Variants in UBAP1 observed in about 807,000 individuals in gnomAD.
UBAP1 encodes ubiquitin associated protein 1, also known as ubiquitin-associated protein 1.
In UBAP1, 5 loss-of-function variants were observed where a neutral mutation model predicts 39.0. The observed-to-expected ratio is 0.13, with a 90% CI of 0.07 to 0.27. The LOEUF (loss-of-function observed/expected upper bound fraction) is 0.27, where lower values mean the gene tolerates loss of function less well. Among genes scored for constraint, UBAP1 ranks in the 10% least tolerant of loss-of-function variants. The pLI, the probability that UBAP1 is intolerant of heterozygous loss-of-function variation, is 1.00. For missense variants in UBAP1, 490 were observed against 608.1 expected (o/e 0.81, Z 2.04); for synonymous variants, 211 against 225.1 (o/e 0.94, Z 0.56).
intron 2 of UBAP1, among the ~76,000 whole-genome samples, chr9:34,223,323 G>A (rs543791191): frequency 2.2e-3 from 338 of 151,974 alleles, no homozygotes; most frequent in Non-Finnish European, 2.8e-3. Context: ...CCAGCTACTC[G>A]GGAGGCTGAG....
chr9:34,216,451 C>T (rs1432405552), intron 1 of UBAP1, among the ~76,000 whole-genome samples: 1 of 151,994 alleles, frequency 6.6e-6, no homozygotes, highest in African/African-American at 2.4e-5. Flanking sequence ...ATATGAATGG[C>T]ATCACACAAT....
At chr9:34,215,788 TATAA>T (rs892517118) in intron 1 of UBAP1, among the ~76,000 whole-genome samples, 2 of 152,010 alleles carry the variant, frequency 1.3e-5, no homozygotes, top group Admixed American at 6.6e-5. Context: ...TGTACATATA[TATAA>T]AAGATGTTCT....
At chr9:34,230,392 T>G (rs1833346915) in intron 2 of UBAP1, among the ~76,000 whole-genome samples, 2 of 152,162 alleles carry the variant, frequency 1.3e-5, no homozygotes, top group African/African-American at 4.8e-5. Context: ...TGTGGATAGA[T>G]TTTATCATTT....
At chr9:34,202,738 G>C (rs1831472406) in intron 1 of UBAP1, among the ~76,000 whole-genome samples, 2 of 147,030 alleles carry the variant, frequency 1.4e-5, no homozygotes, top group African/African-American at 5.0e-5. Context: ...TGTCAATCTT[G>C]TTTTATATAC....
chr9:34,214,760 T>G (rs34270971), intron 1 of UBAP1, among the ~76,000 whole-genome samples: 1 of 151,916 alleles, frequency 6.6e-6, no homozygotes, highest in Non-Finnish European at 1.5e-5. Context: ...AGGACTGATA[T>G]CCAGAATCTA....
At chr9:34,242,247 C>A in intron 4 of UBAP1, 139 bp downstream of exon 4, 1 of 868,954 alleles carries the variant, frequency 1.2e-6, no homozygotes, top group Non-Finnish European at 1.7e-6. Flanking sequence ...TGTGATCGTA[C>A]CTTATTGTAG....
chr9:34,194,311 TTC>T (rs1168359358), intron 1 of UBAP1, among the ~76,000 whole-genome samples: 29 of 151,752 alleles, frequency 1.9e-4, no homozygotes, highest in African/African-American at 6.3e-4. Flanking sequence ...AAAAGAAAAA[TTC>T]TCTCTCTTTT....
At chr9:34,201,753 A>G (rs1242575867) in intron 1 of UBAP1, among the ~76,000 whole-genome samples, 1 of 152,020 alleles carries the variant, frequency 6.6e-6, no homozygotes, top group Non-Finnish European at 1.5e-5. Flanking sequence ...CTACCTGGAG[A>G]TAGTGTCAGA....
chr9:34,228,710 C>G (rs1394580596), intron 2 of UBAP1, among the ~76,000 whole-genome samples: 1 of 150,460 alleles, frequency 6.6e-6, no homozygotes, highest in African/African-American at 2.4e-5. Context: ...GCTGGGATTA[C>G]AGGCGTGCAT....
intron 4 of UBAP1, among the ~76,000 whole-genome samples, chr9:34,246,090 A>T (rs946744891): frequency 2.0e-5 from 3 of 152,080 alleles, no homozygotes; most frequent in Non-Finnish European, 4.4e-5. Context: ...CTTTATTTTT[A>T]AATTTTTATT....
chr9:34,218,250 C>CAAAAAAAAAAAA (rs758443973), intron 1 of UBAP1, among the ~76,000 whole-genome samples: 15 of 49,522 alleles, frequency 3.0e-4, no homozygotes, highest in Non-Finnish European at 3.8e-4. Context: ...GACTCCATCT[C>CAAAAAAAAAAAA]AAAAAAAAAA....
chr9:34,222,343 AAC>A (rs1378032075), intron 2 of UBAP1, among the ~76,000 whole-genome samples: 2 of 152,206 alleles, frequency 1.3e-5, no homozygotes, highest in Non-Finnish European at 2.9e-5. Flanking sequence ...TTACATAGAT[AAC>A]CTGCCTGAGT....
At chr9:34,197,315 T>G (rs186066835) in intron 1 of UBAP1, among the ~76,000 whole-genome samples, 134 of 151,960 alleles carry the variant, frequency 8.8e-4, no homozygotes, top group African/African-American at 3.0e-3. Context: ...ATTAAAATTT[T>G]TTTTTTCTTT....
chr9:34,227,679 C>A (rs1213659044), intron 2 of UBAP1, among the ~76,000 whole-genome samples: 1 of 152,206 alleles, frequency 6.6e-6, no homozygotes, highest in Non-Finnish European at 1.5e-5. Flanking sequence ...AACCTAACTT[C>A]AAGGAACTGC....
rs1834442876 is a variant in UBAP1 at position 34,250,644 on chromosome 9, GTTTCT to G, written c.1267-7_1267-3del. 6.2e-7 allele frequency: 1 copy of G among 1,608,780 alleles called. No individual in the cohort carries two copies. The highest frequency in any genetic ancestry group is 8.5e-7 in the Non-Finnish European group (1 of 1,176,482). On this transcript the variant is annotated splice_polypyrimidine_tract_variant and intron_variant, in intron 5 of 6. Coordinates refer to ENST00000297661, the MANE Select transcript of UBAP1 (RefSeq NM_016525.5). ...AGCAGCAGTAGGTGCTAAACCCCTTGTTTCTTTTCTTAGATTCTCGACTATCTCTT... is the reference window on the plus strand; with the variant it reads ...AGCAGCAGTAGGTGCTAAACCCCTTGTTTCTTAGATTCTCGACTATCTCTT...
At chr9:34,248,507 T>C (rs1834295428) in intron 4 of UBAP1, among the ~76,000 whole-genome samples, 1 of 152,210 alleles carries the variant, frequency 6.6e-6, no homozygotes, top group South Asian at 2.1e-4. Flanking sequence ...TGTTGGTTTC[T>C]TTAGCCCAGG....
chr9:34,244,522 T>G (rs1355035666), intron 4 of UBAP1, among the ~76,000 whole-genome samples: 8 of 19,918 alleles, frequency 4.0e-4, no homozygotes, highest in African/African-American at 1.8e-3. Context: ...GCGTGCAATG[T>G]TGCGATCTCG....
chr9:34,202,436 A>C (rs980247586), intron 1 of UBAP1, among the ~76,000 whole-genome samples: 3 of 152,010 alleles, frequency 2.0e-5, no homozygotes, highest in African/African-American at 7.2e-5. Context: ...CCTGCCTGTG[A>C]GAGGGGCTTA....
chr9:34,220,900 T>C lies in UBAP1; in HGVS notation c.-7-8T>C. On this transcript the variant is annotated splice_region_variant and splice_polypyrimidine_tract_variant and intron_variant, in intron 1 of 6. Coordinates refer to ENST00000297661, the MANE Select transcript of UBAP1 (RefSeq NM_016525.5). ...AATGTGCCTAAGAAATATTTCCTTG[T>C]TTTTCAGGTTCTAAATGGCTTCTAA... 1 of 1,613,096 alleles carries C rather than the reference T, an allele frequency of 6.2e-7. No individual in the cohort carries two copies. Among genetic ancestry groups the C allele is most frequent in the Non-Finnish European group, 8.5e-7 (1 of 1,179,366 alleles).
Sources: allele counts gnomAD v4.1 joint callset (sites outside exome capture counted in the v4.1 genomes callset), GRCh38; gene constraint gnomAD v4.1.1; transcripts MANE v1.5; gene names NCBI Gene and HGNC (gene_info 2026-07-23, HGNC 2026-07-21).